SEMA3A: variants seen among roughly 807,000 people sequenced by gnomAD.
SEMA3A encodes semaphorin-3A.
SEMA3A carries 29 observed loss-of-function variants against 97.9 expected under a neutral mutation model. The observed-to-expected ratio is 0.30, with a 90% CI of 0.22 to 0.40. SEMA3A has a LOEUF of 0.40. Among genes scored for constraint, SEMA3A ranks in the 10% least tolerant of loss-of-function variants. SEMA3A has a pLI of 1.00. For missense variants in SEMA3A, 763 were observed against 951.3 expected, an observed-to-expected ratio of 0.80 and a Z score of 2.60; for synonymous variants, 321 against 323.7, an observed-to-expected ratio of 0.99 and a Z score of 0.09.
chr7:84,447,247 C>A (rs1805437948), intron 1 of SEMA3A, among the ~76,000 whole-genome samples: 1 of 152,174 alleles, frequency 6.6e-6, no homozygotes, highest in Non-Finnish European at 1.5e-5. Context: ...TGGCATGGGC[C>A]TGCAGGCACC....
chr7:84,417,565 T>C (rs975303427), intron 1 of SEMA3A, among the ~76,000 whole-genome samples: 1 of 152,126 alleles, frequency 6.6e-6, no homozygotes, highest in African/African-American at 2.4e-5. Flanking sequence ...AATTTTTTAG[T>C]GACTTTACCT....
chr7:84,356,343 T>A (rs528794210), intron 2 of SEMA3A, among the ~76,000 whole-genome samples: 26 of 151,784 alleles, frequency 1.7e-4, no homozygotes, highest in East Asian at 3.9e-4. Flanking sequence ...TTACTTTTTT[T>A]AAAGTATATC....
chr7:84,007,526 A>G, intron 9 of SEMA3A, 29 bp from the exon 10 acceptor site: 6 of 1,486,002 alleles, frequency 4.0e-6, no homozygotes, highest in Non-Finnish European at 5.4e-6. Flanking sequence ...ATAAAAACAG[A>G]AGTTCATCTT....
At chr7:84,268,227 A>G (rs1800053817) in intron 3 of SEMA3A, among the ~76,000 whole-genome samples, 1 of 149,384 alleles carries the variant, frequency 6.7e-6, no homozygotes, top group Non-Finnish European at 1.5e-5. Context: ...GCAAAGAAAG[A>G]TTTTTCCTGA....
chr7:84,477,533 T>G (rs1304698423), intron 1 of SEMA3A, among the ~76,000 whole-genome samples: 2 of 151,952 alleles, frequency 1.3e-5, no homozygotes, highest in African/African-American at 4.8e-5. Flanking sequence ...ATGTGTATAT[T>G]GGAGAAGACA....
chr7:84,243,397 T>G (rs949644270), intron 3 of SEMA3A, among the ~76,000 whole-genome samples: 1 of 152,298 alleles, frequency 6.6e-6, no homozygotes, highest in African/African-American at 2.4e-5. Flanking sequence ...GTCCAGGAAT[T>G]TATCCATTTC....
intron 1 of SEMA3A, among the ~76,000 whole-genome samples, chr7:84,181,905 T>G (rs1473202824): frequency 6.6e-6 from 1 of 152,160 alleles, no homozygotes; most frequent in Non-Finnish European, 1.5e-5. Flanking sequence ...CTAGAGTACC[T>G]CAGAAACTTA....
intron 4 of SEMA3A, among the ~76,000 whole-genome samples, chr7:84,065,768 A>C (rs951203221): frequency 2.0e-5 from 3 of 152,044 alleles, no homozygotes; most frequent in Non-Finnish European, 4.4e-5. Flanking sequence ...TGAAATTGTG[A>C]CAATAATCAA....
intron 2 of SEMA3A, among the ~76,000 whole-genome samples, chr7:84,132,724 G>A (rs1302981605): frequency 7.6e-6 from 1 of 130,842 alleles, no homozygotes; most frequent in African/African-American, 2.9e-5. Context: ...CACCCAGGCT[G>A]GAGTGCAATG....
At chr7:84,375,289 G>A (rs544792306) in intron 1 of SEMA3A, among the ~76,000 whole-genome samples, 1 of 152,100 alleles carries the variant, frequency 6.6e-6, no homozygotes, top group South Asian at 2.1e-4. Flanking sequence ...AAAAGTGCTG[G>A]GATTACAGGC....
intron 5 of SEMA3A, among the ~76,000 whole-genome samples, chr7:84,051,452 A>G (rs565241308): frequency 9.6e-4 from 146 of 152,142 alleles, no homozygotes; most frequent in African/African-American, 3.2e-3. Flanking sequence ...ATTCCTAGGT[A>G]TTTTATTCTC....
chr7:84,421,403 C>T (rs969798700), intron 1 of SEMA3A, among the ~76,000 whole-genome samples: 1 of 151,986 alleles, frequency 6.6e-6, no homozygotes, highest in Non-Finnish European at 1.5e-5. Flanking sequence ...CAAAGGGACA[C>T]TAGACAATAA....
chr7:84,170,749 T>C (rs932823091), intron 1 of SEMA3A, among the ~76,000 whole-genome samples: 1 of 152,100 alleles, frequency 6.6e-6, no homozygotes, highest in Non-Finnish European at 1.5e-5. Context: ...AAGCTCTTGC[T>C]GCATAAAGGG....
At chr7:84,325,136 T>C (rs574281077) in intron 2 of SEMA3A, among the ~76,000 whole-genome samples, 1 of 93,056 alleles carries the variant, frequency 1.1e-5, no homozygotes, top group South Asian at 3.8e-4. Context: ...TCTATCTATC[T>C]ATCTATCTAT....
chr7:84,050,904 A>G (rs1240748143), intron 5 of SEMA3A, among the ~76,000 whole-genome samples: 2 of 151,296 alleles, frequency 1.3e-5, no homozygotes, highest in South Asian at 4.2e-4. Flanking sequence ...TAAGGAAGGG[A>G]TCCAGTTTCA....
intron 1 of SEMA3A, among the ~76,000 whole-genome samples, chr7:84,144,962 G>A (rs1182922632): frequency 3.3e-5 from 5 of 152,056 alleles, no homozygotes. Context: ...AATAGAGTGT[G>A]CATAAGTGTA....
At chr7:84,382,553 AG>A (rs1161567880) in intron 1 of SEMA3A, among the ~76,000 whole-genome samples, 2 of 151,112 alleles carry the variant, frequency 1.3e-5, no homozygotes. Context: ...AATCACAATC[AG>A]TTTTTAAAGT....
At chr7:84,292,599 G>A (rs931670466) in intron 3 of SEMA3A, among the ~76,000 whole-genome samples, 9 of 151,920 alleles carry the variant, frequency 5.9e-5, no homozygotes, top group African/African-American at 1.4e-4. Context: ...CCAATACTAC[G>A]TAAAAATCTG....
At chr7:84,304,971 T>C (rs1259270124) in intron 3 of SEMA3A, among the ~76,000 whole-genome samples, 1 of 152,024 alleles carries the variant, frequency 6.6e-6, no homozygotes, top group Non-Finnish European at 1.5e-5. Context: ...CATTTGTATA[T>C]ATTTAATCTA....
Sources: allele counts gnomAD v4.1 joint callset (sites outside exome capture counted in the v4.1 genomes callset), GRCh38; gene constraint gnomAD v4.1.1; transcripts MANE v1.5; gene names NCBI Gene and HGNC (gene_info 2026-07-23, HGNC 2026-07-21).